ALDH1A2: variants seen among roughly 807,000 people sequenced by gnomAD.
The protein encoded by ALDH1A2 is retinal dehydrogenase 2.
A neutral mutation model predicts 60.3 loss-of-function variants in ALDH1A2; 27 were observed. The ratio of observed to expected loss-of-function variants is 0.45; its 90% confidence interval spans 0.33 to 0.62. ALDH1A2 has a LOEUF of 0.62. Ranked by LOEUF, ALDH1A2 falls within the 20% of genes least tolerant of loss-of-function variation. The pLI, the probability that ALDH1A2 is intolerant of heterozygous loss-of-function variation, is 0.02. For missense variants in ALDH1A2, 581 were observed against 643.8 expected, an observed-to-expected ratio of 0.90 and a Z score of 1.06; for synonymous variants, 289 against 232.4, an observed-to-expected ratio of 1.24 and a Z score of -2.21.
At chr15:57,999,323 C>G (rs1895178963) in intron 4 of ALDH1A2, among the ~76,000 whole-genome samples, 1 of 151,752 alleles carries the variant, frequency 6.6e-6, no homozygotes, top group Non-Finnish European at 1.5e-5. Flanking sequence ...CCAGAATCTA[C>G]AAGGAATTTA....
intron 5 of ALDH1A2, among the ~76,000 whole-genome samples, chr15:57,994,429 G>A (rs1894986921): frequency 6.6e-6 from 1 of 152,134 alleles, no homozygotes. Context: ...TGAAATCCCT[G>A]CCAGAACTAT....
At position 57,961,996 on chromosome 15, in the gene ALDH1A2, ACAG is replaced by A. The variant is rs774651006; in HGVS notation, c.1251+13_1251+15del. On this transcript the variant is annotated intron_variant, in intron 10 of 12. Coordinates refer to ENST00000249750, the MANE Select transcript of ALDH1A2 (RefSeq NM_003888.4). Reference sequence around the variant, plus strand: ...CAAGAAAGATGTGGCTTTTGTAAGAACAGCATATTTGATACCTCCTCCTTGGCA... The same window carrying A: ...CAAGAAAGATGTGGCTTTTGTAAGAACATATTTGATACCTCCTCCTTGGCA... 1.5e-5 allele frequency: 25 copies of A among 1,614,022 alleles called. No homozygotes were observed. Among genetic ancestry groups the A allele is most frequent in the Non-Finnish European group, 4.2e-6 (5 of 1,179,986 alleles).
At chr15:57,977,244 G>A (rs1365606202) in intron 7 of ALDH1A2, among the ~76,000 whole-genome samples, 1 of 152,000 alleles carries the variant, frequency 6.6e-6, no homozygotes, top group Non-Finnish European at 1.5e-5. Flanking sequence ...GTGCACAAGC[G>A]GTTTAGTTTA....
intron 7 of ALDH1A2, among the ~76,000 whole-genome samples, chr15:57,971,145 G>A (rs182254023): frequency 6.6e-5 from 10 of 152,238 alleles, no homozygotes; most frequent in Non-Finnish European, 1.3e-4. Context: ...ACGACTCTAG[G>A]CACACAAAAC....
chr15:57,995,071 C>A lies in ALDH1A2; in HGVS notation c.555+7G>T. 1 of 1,608,392 alleles carries A rather than the reference C, an allele frequency of 6.2e-7. No homozygotes were observed. The highest frequency in any genetic ancestry group is 8.5e-7 in the Non-Finnish European group (1 of 1,175,186). On this transcript the variant is annotated splice_region_variant and intron_variant, in intron 5 of 12. Coordinates refer to ENST00000249750, the MANE Select transcript of ALDH1A2 (RefSeq NM_003888.4). ...AATAAATACGAGGTGCGAGGAAATA[C>A]ACTCACTGGGATGATCTGTCCACAC...
Position 58,010,629 on chromosome 15 carries a change from C to A in ALDH1A2, c.493+20G>T. 1 of 1,611,468 alleles carries A rather than the reference C, an allele frequency of 6.2e-7. No individual in the cohort carries two copies. Among genetic ancestry groups the A allele is most frequent in the Non-Finnish European group, 8.5e-7 (1 of 1,178,120 alleles). ...GGTGGTTTCACGTTTTCCTTTTCAACGTACTCAGATTTCACATACCTACAG... is the reference window on the plus strand; with the variant it reads ...GGTGGTTTCACGTTTTCCTTTTCAAAGTACTCAGATTTCACATACCTACAG... On this transcript the variant is annotated intron_variant, in intron 4 of 12. Transcript: ENST00000249750.
At position 57,954,873 on chromosome 15, in the gene ALDH1A2, C is replaced by G. The variant is rs371440513; in HGVS notation, c.*324G>C. 7.0e-5 allele frequency: 26 copies of G among 373,796 alleles called. No homozygotes were observed. Among genetic ancestry groups the G allele is most frequent in the African/African-American group, 3.9e-4 (19 of 48,966 alleles). The allele number at this position is 373,796 out of a possible 1,614,324, so 23.2% of individuals were successfully genotyped here. ...TCCTTGAGAGGAAAGTTCTTTGTGACAAAGACATGAAATAATACAGCTCCC... is the reference window on the plus strand; with the variant it reads ...TCCTTGAGAGGAAAGTTCTTTGTGAGAAAGACATGAAATAATACAGCTCCC... On this transcript the variant is annotated 3_prime_UTR_variant, in exon 13 of 13. Transcript: ENST00000249750.
intron 1 of ALDH1A2, among the ~76,000 whole-genome samples, chr15:58,034,001 ATTAG>A (rs2140545350): frequency 6.6e-6 from 1 of 151,622 alleles, no homozygotes; most frequent in Non-Finnish European, 1.5e-5. Context: ...AAACTTTATA[ATTAG>A]TTTGTTAATA....
chr15:57,987,655 C>T (rs1256200068), intron 7 of ALDH1A2, among the ~76,000 whole-genome samples: 6 of 152,100 alleles, frequency 3.9e-5, no homozygotes, highest in Middle Eastern at 3.4e-3. Flanking sequence ...CCGAGGCGGG[C>T]GGATCACGAG....
Position 57,954,790 on chromosome 15 carries a change from G to T in ALDH1A2, c.*407C>A, listed in dbSNP as rs1268541367. ...ACATCTCCTTGGAAGAGAGGGAGGG[G>T]TGGGTGAGCGAGGAGGGCCTGGAAG... On this transcript the variant is annotated 3_prime_UTR_variant, in exon 13 of 13. Transcript: ENST00000249750. 1 of 244,360 alleles carries T rather than the reference G, an allele frequency of 4.1e-6. No homozygotes were observed. The highest frequency in any genetic ancestry group is 8.7e-5 in the East Asian group (1 of 11,452). The allele number at this position is 244,360 out of a possible 1,614,324, so 15.1% of individuals were successfully genotyped here.
At chr15:58,014,932 G>T (rs1413773042) in intron 1 of ALDH1A2, among the ~76,000 whole-genome samples, 1 of 152,152 alleles carries the variant, frequency 6.6e-6, no homozygotes, top group Non-Finnish European at 1.5e-5. Context: ...TTCTTAAAAG[G>T]CTTGGTCTCC....
At position 58,014,022 on chromosome 15, in the gene ALDH1A2, C is replaced by G. The variant is rs34036537; in HGVS notation, c.223-24G>C. ...GCCTGTTAGAGAGGAAGAGGCACAA[C>G]TGAAGAAAAACACTCCAAATAAAGG... On this transcript the variant is annotated intron_variant, in intron 2 of 12. Transcript: ENST00000249750. 109 of 1,614,066 alleles carry G rather than the reference C, an allele frequency of 6.8e-5. No individual in the cohort carries two copies. The African/African-American group carries it at 1.1e-3, about 16-fold the overall frequency.
intron 4 of ALDH1A2, among the ~76,000 whole-genome samples, chr15:58,000,398 T>C (rs1895224145): frequency 6.6e-6 from 1 of 151,790 alleles, no homozygotes; most frequent in Admixed American, 6.6e-5. Context: ...TCCACTGAAC[T>C]TCTAAATCAG....
At chr15:57,997,376 C>T (rs1255956415) in intron 4 of ALDH1A2, among the ~76,000 whole-genome samples, 1 of 151,988 alleles carries the variant, frequency 6.6e-6, no homozygotes, top group Non-Finnish European at 1.5e-5. Context: ...AAATCTTCTG[C>T]AACTGAACTC....
chr15:57,989,310 A>G (rs573808010), intron 7 of ALDH1A2, among the ~76,000 whole-genome samples: 3 of 152,356 alleles, frequency 2.0e-5, no homozygotes, highest in African/African-American at 7.2e-5. Context: ...ATATTCCTAG[A>G]TGAGGAGTCA....
At chr15:58,017,613 C>T (rs1436544610) in intron 1 of ALDH1A2, among the ~76,000 whole-genome samples, 2 of 151,976 alleles carry the variant, frequency 1.3e-5, no homozygotes, top group African/African-American at 2.4e-5. Context: ...CCAGTATTTA[C>T]GAGATGATAA....
At chr15:57,987,765 G>A (rs988889179) in intron 7 of ALDH1A2, among the ~76,000 whole-genome samples, 1 of 151,590 alleles carries the variant, frequency 6.6e-6, no homozygotes, top group Non-Finnish European at 1.5e-5. Flanking sequence ...GGTGCCTGTA[G>A]TCCCAGCTAC....
In ALDH1A2 at chr15:57,964,241, T is replaced by TA. The variant is rs1893823670; in HGVS notation, c.902-173dup. ...TAGTTCTAACTACACCCTGACATGC[T>TA]ATGTGAACTTGAACAACTTCACTTC... On this transcript the variant is annotated intron_variant, in intron 8 of 12. Transcript: ENST00000249750. 1.4e-5 allele frequency: 9 copies of TA among 644,316 alleles called. No homozygotes were observed. In the South Asian group the frequency reaches 1.7e-4, roughly 12 times the overall value. The allele number at this position is 644,316 out of a possible 1,614,324, so 39.9% of individuals were successfully genotyped here.
rs35426268 is a variant in ALDH1A2 at position 58,010,980 on chromosome 15, T to C, written c.364-202A>G. Among the ~76,000 whole-genome samples, 745 of 152,290 alleles carry C rather than the reference T, an allele frequency of 4.9e-3. 9 individuals carry two copies. The highest frequency in any genetic ancestry group is 0.017 in the African/African-American group (711 of 41,566). On this transcript the variant is annotated intron_variant, in intron 3 of 12. Coordinates refer to ENST00000249750, the MANE Select transcript of ALDH1A2 (RefSeq NM_003888.4). Reference sequence around the variant, plus strand: ...CCTAGTAAAAACCACAATGAGTATATATGTGCATATTCCTGTGCTTCCAGT... The same window carrying C: ...CCTAGTAAAAACCACAATGAGTATACATGTGCATATTCCTGTGCTTCCAGT...
Sources: allele counts gnomAD v4.1 joint callset (sites outside exome capture counted in the v4.1 genomes callset), GRCh38; gene constraint gnomAD v4.1.1; transcripts MANE v1.5; gene names NCBI Gene and HGNC (gene_info 2026-07-23, HGNC 2026-07-21).